KIAA0232: variants seen among roughly 807,000 people sequenced by gnomAD.
KIAA0232 encodes the protein uncharacterized protein KIAA0232.
Under a neutral mutation model 122.0 loss-of-function variants are expected in KIAA0232, and 27 were observed. The observed-to-expected ratio is 0.22, with a 90% CI of 0.16 to 0.31. The LOEUF is 0.31. Among genes scored for constraint, KIAA0232 ranks in the 10% least tolerant of loss-of-function variants. The probability of loss-of-function intolerance (pLI) is 1.00; values close to 1 mark genes in which losing one functional copy is unlikely to be tolerated. For synonymous variants in KIAA0232, 613 were observed against 587.6 expected (o/e 1.04, Z -0.63); for missense variants, 1,551 against 1,634.2 (o/e 0.95, Z 0.88).
rs1420457872 is a variant in KIAA0232 at position 6,824,222 on chromosome 4, T to C, written c.-232T>C. ...ACTTCCATTTGGCCTCAATGTGAAA[T>C]TAAAGTAGAAAATCACATCTACATG... On this transcript the variant is annotated 5_prime_UTR_variant, in exon 3 of 10. Transcript: ENST00000307659. 1 of 551,986 alleles carries C rather than the reference T, an allele frequency of 1.8e-6. No homozygotes were observed. The highest frequency in any genetic ancestry group is 3.2e-6 in the Non-Finnish European group (1 of 310,042). The allele number at this position is 551,986 out of a possible 1,614,324, so 34.2% of individuals were successfully genotyped here.
chr4:6,840,558 C>T (rs1719592023), intron 3 of KIAA0232, among the ~76,000 whole-genome samples: 1 of 152,152 alleles, frequency 6.6e-6, no homozygotes, highest in South Asian at 2.1e-4. Flanking sequence ...CTTACGTGAC[C>T]TCCCTGTAGT....
In KIAA0232 at chr4:6,862,267, G is replaced by A. The variant is rs1720917028; in HGVS notation, c.1885G>A (p.Ala629Thr). The A allele has an allele frequency of 1.9e-6, 3 of 1,614,056 alleles. No individual in the cohort carries two copies. The Admixed American group carries it at 5.0e-5, about 27-fold the overall frequency. Reference protein sequence around the residue: ...DSTVLNSHLLAGNQELFSDIN... With the variant: ...DSTVLNSHLLTGNQELFSDIN... Reference sequence around the variant, plus strand: ...CACAGTGCTCAATTCACACCTGCTTGCTGGCAATCAAGAGCTCTTTTCAGA... The same window carrying A: ...CACAGTGCTCAATTCACACCTGCTTACTGGCAATCAAGAGCTCTTTTCAGA... The change falls in exon 7 of 10, where the codon GCT (alanine) becomes ACT (threonine). Residue 629 changes from alanine (A) to threonine (T), a missense_variant. Ala to Thr is a moderately conservative substitution (Grantham distance 58). This residue lies in a region of KIAA0232 where 1,108 missense variants were observed against 1,154.8 expected (regional missense o/e 0.96). Coordinates refer to ENST00000307659, the MANE Select transcript of KIAA0232 (RefSeq NM_014743.3).
intron 3 of KIAA0232, among the ~76,000 whole-genome samples, chr4:6,833,702 C>T (rs1008838972): frequency 1.3e-5 from 2 of 152,048 alleles, no homozygotes; most frequent in African/African-American, 4.8e-5. Context: ...TATATACATG[C>T]CAGTATTCAC....
At chr4:6,807,026 CTG>C (rs1717647862) in intron 2 of KIAA0232, among the ~76,000 whole-genome samples, 1 of 115,950 alleles carries the variant, frequency 8.6e-6, no homozygotes, top group Admixed American at 8.6e-5. Flanking sequence ...TTTTGTCTGT[CTG>C]TCTGTCTATC....
chr4:6,872,672 C>T (rs2108835043), intron 8 of KIAA0232, among the ~76,000 whole-genome samples: 1 of 152,306 alleles, frequency 6.6e-6, no homozygotes, highest in Non-Finnish European at 1.5e-5. Context: ...CTGTCAGAGT[C>T]CCGAAGGGGT....
chr4:6,857,280 G>A, intron 5 of KIAA0232, 50 bp downstream of exon 5: 1 of 1,477,782 alleles, frequency 6.8e-7, no homozygotes, highest in Non-Finnish European at 9.3e-7. Flanking sequence ...CATCCCTGAG[G>A]AATCTGGATT....
intron 8 of KIAA0232, among the ~76,000 whole-genome samples, chr4:6,876,453 G>T (rs1382539384): frequency 2.6e-5 from 4 of 152,102 alleles, no homozygotes; most frequent in Non-Finnish European, 4.4e-5. Context: ...ACCAAACCAA[G>T]AATTTTTTGT....
At chr4:6,803,535 G>GATT (rs1717482818) in intron 1 of KIAA0232, among the ~76,000 whole-genome samples, 1 of 152,086 alleles carries the variant, frequency 6.6e-6, no homozygotes, top group Admixed American at 6.6e-5. Flanking sequence ...ATTTGGATAA[G>GATT]ATTACCCTGA....
At chr4:6,810,619 AATC>A (rs1350687665) in intron 2 of KIAA0232, among the ~76,000 whole-genome samples, 2 of 152,218 alleles carry the variant, frequency 1.3e-5, no homozygotes, top group Admixed American at 1.3e-4. Context: ...GAGCAAAAGA[AATC>A]AGCAGGAGAT....
chr4:6,839,960 C>T (rs1719555820), intron 3 of KIAA0232, among the ~76,000 whole-genome samples: 1 of 152,098 alleles, frequency 6.6e-6, no homozygotes, highest in Non-Finnish European at 1.5e-5. Context: ...AGCAATATAT[C>T]AGTGGATTTA....
At chr4:6,783,283 C>T (rs1325292626) in intron 1 of KIAA0232, among the ~76,000 whole-genome samples, 1 of 152,216 alleles carries the variant, frequency 6.6e-6, no homozygotes, top group Non-Finnish European at 1.5e-5. Context: ...GACCCCAGGA[C>T]GCCGGGACAC....
intron 9 of KIAA0232, among the ~76,000 whole-genome samples, chr4:6,878,531 CCT>C (rs1391697312): frequency 6.6e-6 from 1 of 152,136 alleles, no homozygotes; most frequent in African/African-American, 2.4e-5. Context: ...AGGAAATACT[CCT>C]CAAGACAATT....
chr4:6,843,039 G>A (rs1180040426), intron 4 of KIAA0232, among the ~76,000 whole-genome samples: 5 of 151,830 alleles, frequency 3.3e-5, no homozygotes, highest in Non-Finnish European at 7.4e-5. Context: ...TATATTTTTT[G>A]TTTTTAGAAA....
intron 2 of KIAA0232, among the ~76,000 whole-genome samples, chr4:6,818,503 A>G (rs545488033): frequency 1.3e-5 from 2 of 151,794 alleles, no homozygotes; most frequent in Non-Finnish European, 2.9e-5. Context: ...ACACACACAC[A>G]CTACCTAGGA....
At chr4:6,849,476 C>T (rs139648588) in intron 4 of KIAA0232, among the ~76,000 whole-genome samples, 207 of 152,264 alleles carry the variant, frequency 1.4e-3, no homozygotes, top group African/African-American at 4.5e-3. Context: ...ATTAACCGGA[C>T]GTGGTGGCGC....
intron 5 of KIAA0232, 43 bp from the exon 6 acceptor site, chr4:6,858,382 C>A (rs988145552): frequency 8.4e-7 from 1 of 1,183,638 alleles, no homozygotes; most frequent in African/African-American, 1.6e-5. Context: ...CATTTATTAA[C>A]TAGATATAAG....
At position 6,871,567 on chromosome 4, in the gene KIAA0232, T is replaced by C; in HGVS notation, c.3802-7T>C. Reference sequence around the variant, plus strand: ...AACTTTTTCTGTATTTGGTTTAATCTAAACAGTTCCCTGTATTGAACACTG... The same window carrying C: ...AACTTTTTCTGTATTTGGTTTAATCCAAACAGTTCCCTGTATTGAACACTG... On this transcript the variant is annotated splice_region_variant and splice_polypyrimidine_tract_variant and intron_variant, in intron 7 of 9. Transcript: ENST00000307659. 2 of 1,519,594 alleles carry C rather than the reference T, an allele frequency of 1.3e-6. No individual in the cohort carries two copies. Among genetic ancestry groups the C allele is most frequent in the Non-Finnish European group, 1.8e-6 (2 of 1,101,220 alleles). 94.1% of individuals were successfully genotyped at this position (1,519,594 alleles called of 1,614,324 possible). A position where few individuals can be genotyped will look rare whatever the true frequency, so the allele number is the denominator to read the frequency against.
intron 3 of KIAA0232, among the ~76,000 whole-genome samples, chr4:6,838,189 CTTTT>C (rs57836301): frequency 7.1e-5 from 9 of 126,034 alleles, no homozygotes; most frequent in Non-Finnish European, 8.6e-5. Flanking sequence ...ACAAAGATAG[CTTTT>C]TTTTTTTTTT....
intron 1 of KIAA0232, among the ~76,000 whole-genome samples, chr4:6,786,957 C>T (rs1005305488): frequency 4.6e-5 from 7 of 151,856 alleles, no homozygotes; most frequent in African/African-American, 1.7e-4. Context: ...CCGAGGCGGG[C>T]GGATCATGAG....
Sources: gnomAD v4.1 joint callset for allele counts (sites outside exome capture counted in the v4.1 genomes callset) on GRCh38, gnomAD v4.1.1 for gene constraint, gnomAD v4.1.1 regional missense constraint, MANE v1.5 for transcripts, NCBI Gene and HGNC (gene_info 2026-07-23, HGNC 2026-07-21) for gene names.